The following TTC3 variants were observed in gnomAD, a reference collection of about 807,000 sequenced individuals.
TTC3 encodes tetratricopeptide repeat domain 3.
TTC3 carries 180 observed loss-of-function variants against 249.6 expected under a neutral mutation model. That is an observed-to-expected ratio of 0.72 (90% CI 0.64 to 0.82). The LOEUF is 0.82. Ranked by LOEUF, TTC3 falls within the 40% of genes least tolerant of loss-of-function variation. The probability of loss-of-function intolerance (pLI) is 0.00; values close to 1 mark genes in which losing one functional copy is unlikely to be tolerated. For missense variants in TTC3, 2,061 were observed against 2,398.4 expected (o/e 0.86, Z 2.94); for synonymous variants, 717 against 805.0 (o/e 0.89, Z 1.85).
chr21:37,152,687 T>C (rs1339345091), intron 26 of TTC3, among the ~76,000 whole-genome samples: 2 of 152,166 alleles, frequency 1.3e-5, no homozygotes, highest in African/African-American at 4.8e-5. Context: ...CTAGAGGAAC[T>C]AAGTTTCAAA....
At chr21:37,149,778 A>G (rs2079287350) in intron 23 of TTC3, among the ~76,000 whole-genome samples, 1 of 152,244 alleles carries the variant, frequency 6.6e-6, no homozygotes, top group Admixed American at 6.5e-5. Context: ...GAGGAAAAAG[A>G]ACAATGTCCA....
At chr21:37,159,641 A>G in intron 28 of TTC3, 58 bp from the exon 29 acceptor site, 1 of 1,541,948 alleles carries the variant, frequency 6.5e-7, no homozygotes, top group Non-Finnish European at 8.9e-7. Flanking sequence ...GCTTTAGTGT[A>G]CTATATGGAA....
intron 38 of TTC3, 78 bp downstream of exon 38, chr21:37,187,223 A>G: frequency 9.6e-7 from 1 of 1,040,522 alleles, no homozygotes; most frequent in South Asian, 1.6e-5. Flanking sequence ...ATGAGGCATA[A>G]CAGACATTAC....
At chr21:37,185,664 T>C (rs1329966720) in intron 36 of TTC3, 42 bp from the exon 37 acceptor site, 2 of 1,366,996 alleles carry the variant, frequency 1.5e-6, no homozygotes, top group African/African-American at 1.5e-5. Context: ...CTGTTAAAAA[T>C]TTTTCAAAAT....
intron 21 of TTC3, among the ~76,000 whole-genome samples, chr21:37,146,767 C>T (rs1426460144): frequency 2.6e-5 from 4 of 152,072 alleles, no homozygotes; most frequent in East Asian, 1.9e-4. Flanking sequence ...AAATTTAGAC[C>T]GTGGTGATGT....
At chr21:37,173,903 A>T (rs2082017858) in intron 35 of TTC3, among the ~76,000 whole-genome samples, 1 of 152,226 alleles carries the variant, frequency 6.6e-6, no homozygotes, top group Non-Finnish European at 1.5e-5. Flanking sequence ...GACACATGGA[A>T]CACAAGTTTC....
chr21:37,113,483 G>A (rs1230634813), intron 11 of TTC3, among the ~76,000 whole-genome samples: 1 of 152,196 alleles, frequency 6.6e-6, no homozygotes, highest in South Asian at 2.1e-4. Context: ...TACAAGGGAT[G>A]TGAAGGACCT....
intron 33 of TTC3, 92 bp downstream of exon 33, chr21:37,166,707 T>G: frequency 6.9e-7 from 1 of 1,454,454 alleles, no homozygotes; most frequent in South Asian, 1.5e-5. Context: ...ATCCTTAAAG[T>G]TGATTGACTT....
rs2079347618 is a variant in TTC3, at chr21:37,150,313, A to C, written c.2211+143A>C. 6.0e-6 allele frequency: 4 copies of C among 665,916 alleles called. No individual in the cohort carries two copies. In the Admixed American group the frequency reaches 1.2e-4, roughly 20 times the overall value. 41.3% of individuals were successfully genotyped at this position (665,916 alleles called of 1,614,324 possible). A position where few individuals can be genotyped will look rare whatever the true frequency, so the allele number is the denominator to read the frequency against. On this transcript the variant is annotated intron_variant, in intron 24 of 45. Coordinates refer to ENST00000355666, the Ensembl canonical transcript of TTC3. ...TACTTCATTTAAGAAAATATAGGAA[A>C]TACTGGGATGTGAGAATGCTTCATT...
chr21:37,175,581 G>T (rs2082194541), intron 35 of TTC3, among the ~76,000 whole-genome samples: 1 of 123,234 alleles, frequency 8.1e-6, no homozygotes, highest in Non-Finnish European at 1.6e-5. Context: ...TGGGCGACAA[G>T]AGCTAGACTC....
At chr21:37,155,760 C>T (rs1240850426) in intron 27 of TTC3, among the ~76,000 whole-genome samples, 2 of 152,252 alleles carry the variant, frequency 1.3e-5, no homozygotes, top group Admixed American at 6.5e-5. Flanking sequence ...ATTGTAGTCA[C>T]CTGTTTTCTA....
At chr21:37,157,295 C>A in intron 28 of TTC3, 1 of 846,626 alleles carries the variant, frequency 1.2e-6, no homozygotes, top group Non-Finnish European at 1.7e-6. Flanking sequence ...GAATGGATAG[C>A]ATTCTAGGAT....
At chr21:37,174,800 T>C (rs547575299) in intron 35 of TTC3, among the ~76,000 whole-genome samples, 1 of 152,284 alleles carries the variant, frequency 6.6e-6, no homozygotes, top group South Asian at 2.1e-4. Context: ...TAATAATGTA[T>C]TGTCTACTTC....
intron 41 of TTC3, among the ~76,000 whole-genome samples, chr21:37,192,944 G>C (rs1456298571): frequency 6.6e-6 from 1 of 152,172 alleles, no homozygotes; most frequent in Non-Finnish European, 1.5e-5. Flanking sequence ...AAATTGAAAT[G>C]AATTAGGCCC....
intron 34 of TTC3, among the ~76,000 whole-genome samples, chr21:37,169,885 A>G (rs1428576011): frequency 6.6e-6 from 1 of 151,938 alleles, no homozygotes; most frequent in Non-Finnish European, 1.5e-5. Context: ...GAAGATGGCA[A>G]ATTATCAGTG....
intron 29 of TTC3, 90 bp downstream of exon 29, chr21:37,159,835 C>A: frequency 8.2e-7 from 1 of 1,217,912 alleles, no homozygotes. Context: ...TTATTGACAT[C>A]ACAGCCAGCA....
Position 37,197,441 on chromosome 21 carries a change from C to G in TTC3, c.5580-129C>G. On this transcript the variant is annotated intron_variant, in intron 42 of 45. Coordinates refer to ENST00000355666, the Ensembl canonical transcript of TTC3. ...GATAGTTATTGTTGTTATCAGTGGT[C>G]TTCAGATTAATTTTATGTGCATTTG... is the stretch of plus-strand genomic sequence containing the variant. The G allele has an allele frequency of 3.6e-6, 4 of 1,095,980 alleles. No homozygotes were observed. In the East Asian group the frequency reaches 7.4e-5, roughly 20 times the overall value. 67.9% of individuals were successfully genotyped at this position (1,095,980 alleles called of 1,614,324 possible).
chr21:37,117,297 A>G (rs534860595), intron 11 of TTC3, among the ~76,000 whole-genome samples: 41 of 152,220 alleles, frequency 2.7e-4, no homozygotes, highest in African/African-American at 9.4e-4. Context: ...ACATGAAGCA[A>G]TTGAGTCCCA....
intron 41 of TTC3, among the ~76,000 whole-genome samples, chr21:37,192,592 G>A (rs533352509): frequency 2.0e-5 from 3 of 151,628 alleles, no homozygotes; most frequent in African/African-American, 7.3e-5. Flanking sequence ...CACTGCTTTT[G>A]TGATTCAAGC....
Sources: allele counts gnomAD v4.1 joint callset (sites outside exome capture counted in the v4.1 genomes callset), GRCh38; gene constraint gnomAD v4.1.1; transcripts MANE v1.5; gene names NCBI Gene and HGNC (gene_info 2026-07-23, HGNC 2026-07-21).